The following SVOPL variants were observed in gnomAD, a reference collection of about 807,000 sequenced individuals.
The protein encoded by SVOPL is putative transporter SVOPL.
In SVOPL, 60 loss-of-function variants were observed where a neutral mutation model predicts 61.0. That is an observed-to-expected ratio of 0.98 (90% CI 0.80 to 1.22). SVOPL has a LOEUF of 1.22. Among genes scored for constraint, SVOPL ranks in the 50% most tolerant of loss-of-function variants. The probability of loss-of-function intolerance (pLI) is 0.00; values close to 1 mark genes in which losing one functional copy is unlikely to be tolerated. For missense variants in SVOPL, 662 were observed against 643.9 expected, an observed-to-expected ratio of 1.03 and a Z score of -0.30; for synonymous variants, 279 against 250.0, an observed-to-expected ratio of 1.12 and a Z score of -1.09.
At chr7:138,625,886 C>T in intron 13 of SVOPL, 83 bp downstream of exon 13, 1 of 1,313,354 alleles carries the variant, frequency 7.6e-7, no homozygotes, top group South Asian at 1.3e-5. Context: ...CAACAGAAGC[C>T]AGGCATGCAT....
In SVOPL at chr7:138,701,278, G is replaced by A. The variant is rs1803190608; in HGVS notation, c.-135C>T. ...AATTGGAGCACAGATGGCTTCTCAG[G>A]GGTGGCCAGACTTGTGTTCCCAAGA... On this transcript the variant is annotated 5_prime_UTR_variant, in exon 1 of 16. Transcript: ENST00000674285. The A allele has an allele frequency of 6.6e-6, 1 of 152,118 alleles. No homozygotes were observed. Among genetic ancestry groups the A allele is most frequent in the Non-Finnish European group, 1.5e-5 (1 of 68,034 alleles). The allele number at this position is 152,118 out of a possible 1,614,324, so 9.4% of individuals were successfully genotyped here. A position where few individuals can be genotyped will look rare whatever the true frequency, so the allele number is the denominator to read the frequency against.
intron 8 of SVOPL, 103 bp from the exon 9 acceptor site, chr7:138,644,948 G>T: frequency 6.9e-7 from 1 of 1,458,816 alleles, no homozygotes. Flanking sequence ...CCCAAGATAG[G>T]AAAAGTATGT....
intron 9 of SVOPL, among the ~76,000 whole-genome samples, chr7:138,633,467 C>CAT (rs1452439727): frequency 3.9e-5 from 6 of 152,144 alleles, no homozygotes; most frequent in African/African-American, 1.4e-4. Flanking sequence ...CACCATGTAA[C>CAT]ATGCCTGCTC....
intron 3 of SVOPL, among the ~76,000 whole-genome samples, chr7:138,675,999 T>C (rs1802550485): frequency 1.3e-5 from 2 of 151,990 alleles, no homozygotes; most frequent in African/African-American, 4.8e-5. Flanking sequence ...CCACCACACA[T>C]AGTTTTTTGT....
intron 1 of SVOPL, among the ~76,000 whole-genome samples, chr7:138,685,882 A>T (rs1391218322): frequency 1.7e-5 from 2 of 118,328 alleles, no homozygotes; most frequent in African/African-American, 3.7e-5. Flanking sequence ...AAAAAAAATA[A>T]AATAAAATAA....
chr7:138,673,211 G>T (rs1475267619), intron 3 of SVOPL, among the ~76,000 whole-genome samples: 1 of 152,192 alleles, frequency 6.6e-6, no homozygotes, highest in Non-Finnish European at 1.5e-5. Context: ...GGATGAAAAA[G>T]CTGGAATGAT....
At chr7:138,666,291 C>T (rs957070471) in intron 4 of SVOPL, among the ~76,000 whole-genome samples, 1 of 152,198 alleles carries the variant, frequency 6.6e-6, no homozygotes, top group African/African-American at 2.4e-5. Flanking sequence ...CTCTGGAGAG[C>T]TTCTCTGTTA....
chr7:138,608,576 G>C (rs1056156719), intron 14 of SVOPL, among the ~76,000 whole-genome samples: 5 of 152,186 alleles, frequency 3.3e-5, no homozygotes, highest in Admixed American at 6.5e-5. Flanking sequence ...GGGCACAGCA[G>C]GGATGTCTGG....
intron 14 of SVOPL, chr7:138,596,786 A>G: frequency 2.6e-6 from 3 of 1,147,028 alleles, no homozygotes; most frequent in South Asian, 2.6e-5. Flanking sequence ...CCTGTCAGGC[A>G]TCTCCAGAGC....
At chr7:138,660,641 G>T in intron 5 of SVOPL, 2 of 985,398 alleles carry the variant, frequency 2.0e-6, no homozygotes, top group African/African-American at 1.7e-5. Flanking sequence ...AAGCTGCGAT[G>T]ATATCTGTAC....
intron 13 of SVOPL, among the ~76,000 whole-genome samples, chr7:138,623,516 C>T (rs1052462785): frequency 1.3e-5 from 2 of 152,034 alleles, no homozygotes; most frequent in South Asian, 2.1e-4. Flanking sequence ...AGGAGAATGG[C>T]GTGAACCCGG....
chr7:138,616,340 C>CTTTTTTT (rs5887891), intron 14 of SVOPL, among the ~76,000 whole-genome samples: 2 of 146,120 alleles, frequency 1.4e-5, no homozygotes, highest in Non-Finnish European at 1.5e-5. Context: ...ATCTTTAATA[C>CTTTTTTT]TTTTTTTTTT....
intron 7 of SVOPL, among the ~76,000 whole-genome samples, chr7:138,652,206 C>CA (rs1348074589): frequency 6.6e-6 from 1 of 152,070 alleles, no homozygotes; most frequent in Non-Finnish European, 1.5e-5. Context: ...TGCCTGGCAC[C>CA]ACACCAAGCT....
intron 14 of SVOPL, among the ~76,000 whole-genome samples, chr7:138,609,426 G>A (rs371679699): frequency 1.2e-4 from 18 of 149,048 alleles, no homozygotes; most frequent in African/African-American, 4.5e-4. Context: ...TGGGAGGATT[G>A]CTTGAGCCCA....
At chr7:138,612,570 T>G in intron 14 of SVOPL, among the ~76,000 whole-genome samples, 1 of 150,558 alleles carries the variant, frequency 6.6e-6, no homozygotes, top group South Asian at 2.1e-4. Context: ...GGCTGGAGTA[T>G]AGTGGTGTGA....
chr7:138,623,059 A>G (rs1326255974), intron 13 of SVOPL, among the ~76,000 whole-genome samples: 1 of 152,224 alleles, frequency 6.6e-6, no homozygotes, highest in African/African-American at 2.4e-5. Flanking sequence ...GCAAAAAGCA[A>G]GATGCTTTCC....
At chr7:138,668,510 G>A (rs1430528037) in intron 4 of SVOPL, among the ~76,000 whole-genome samples, 2 of 152,096 alleles carry the variant, frequency 1.3e-5, no homozygotes, top group Non-Finnish European at 2.9e-5. Flanking sequence ...ATTTGGGTTA[G>A]CAAAAATCAG....
chr7:138,654,196 C>T (rs1333252835), intron 7 of SVOPL, among the ~76,000 whole-genome samples: 1 of 150,402 alleles, frequency 6.6e-6, no homozygotes, highest in Non-Finnish European at 1.5e-5. Context: ...AGAAATAAGT[C>T]CTGGTGTTTG....
At chr7:138,631,610 C>T (rs1208412576) in intron 9 of SVOPL, among the ~76,000 whole-genome samples, 1 of 152,062 alleles carries the variant, frequency 6.6e-6, no homozygotes, top group Non-Finnish European at 1.5e-5. Flanking sequence ...GCTCTGTCAC[C>T]CACACTAGAG....
Sources: gnomAD v4.1 joint callset for allele counts (sites outside exome capture counted in the v4.1 genomes callset) on GRCh38, gnomAD v4.1.1 for gene constraint, MANE v1.5 for transcripts, NCBI Gene and HGNC (gene_info 2026-07-23, HGNC 2026-07-21) for gene names.